The following APAF1 variants were observed in gnomAD, a reference collection of about 807,000 sequenced individuals.
APAF1 encodes apoptotic peptidase activating factor 1, also known as apoptotic protease-activating factor 1.
In APAF1, 91 loss-of-function variants were observed where a neutral mutation model predicts 152.4. That is an observed-to-expected ratio of 0.60 (90% CI 0.50 to 0.71). APAF1 has a LOEUF of 0.71. Among genes scored for constraint, APAF1 ranks in the 30% least tolerant of loss-of-function variants. The pLI is 0.00. For missense variants in APAF1, 1,283 were observed against 1,472.0 expected, an observed-to-expected ratio of 0.87 and a Z score of 2.10; for synonymous variants, 484 against 494.1, an observed-to-expected ratio of 0.98 and a Z score of 0.27.
intron 13 of APAF1, among the ~76,000 whole-genome samples, chr12:98,678,534 C>T (rs1240911016): frequency 3.3e-5 from 5 of 152,240 alleles, no homozygotes; most frequent in Admixed American, 6.5e-5. Flanking sequence ...TAGCTGTAGC[C>T]GCCCAAACCA....
At chr12:98,670,065 C>CT (rs931030715) in intron 10 of APAF1, among the ~76,000 whole-genome samples, 19 of 151,840 alleles carry the variant, frequency 1.3e-4, no homozygotes, top group African/African-American at 3.9e-4. Flanking sequence ...CCACCTCAGC[C>CT]TCCTGAGTAG....
rs980580034 is a variant in APAF1 at position 98,645,673 on chromosome 12, C to G, written c.-204C>G. On this transcript the variant is annotated 5_prime_UTR_variant, in exon 1 of 27. Transcript: ENST00000551964. ...GATCCAGGGGAGGCGCCTGTGAGGC[C>G]CGGACCTGCCCCGGGGCGAAGGGTA... The G allele has an allele frequency of 6.6e-6, 1 of 152,244 alleles. No homozygotes were observed. The highest frequency in any genetic ancestry group is 1.5e-5 in the Non-Finnish European group (1 of 68,070). 9.4% of individuals were successfully genotyped at this position (152,244 alleles called of 1,614,324 possible).
chr12:98,656,111 A>G (rs2097657236), intron 4 of APAF1, among the ~76,000 whole-genome samples: 1 of 151,968 alleles, frequency 6.6e-6, no homozygotes, highest in Non-Finnish European at 1.5e-5. Context: ...GTATTTTTTT[A>G]GGGACGTGGT....
rs2097765519 is a variant in APAF1, at chr12:98,733,883, CTT to C, written c.*1318_*1319del. 1 of 152,108 alleles carries C rather than the reference CTT, an allele frequency of 6.6e-6. No homozygotes were observed. The highest frequency in any genetic ancestry group is 1.5e-5 in the Non-Finnish European group (1 of 68,034). The allele number at this position is 152,108 out of a possible 1,614,324, so 9.4% of individuals were successfully genotyped here. On this transcript the variant is annotated 3_prime_UTR_variant, in exon 27 of 27. Coordinates refer to ENST00000551964, the MANE Select transcript of APAF1 (RefSeq NM_181861.2). ...GAGTTGGACACTATTCCTGCTCCCT[CTT>C]GTTTCTTACATATCAGACTTCTTAC... is the stretch of plus-strand genomic sequence containing the variant.
intron 18 of APAF1, 56 bp downstream of exon 18, chr12:98,703,555 A>G: frequency 6.2e-6 from 10 of 1,609,464 alleles, no homozygotes; most frequent in Non-Finnish European, 8.5e-6. Context: ...AAAGGATGAC[A>G]GAGAATGGGC....
In APAF1 at chr12:98,711,758, C is replaced by G. The variant is rs549304525; in HGVS notation, c.2842-561C>G. On this transcript the variant is annotated intron_variant, in intron 20 of 26. Transcript: ENST00000551964. ...ATTATGAAATTAGGTAATCTTTGTTCAAGCATTGTAAATCCAGCTACACAA... is the reference window on the plus strand; with the variant it reads ...ATTATGAAATTAGGTAATCTTTGTTGAAGCATTGTAAATCCAGCTACACAA... 2.6e-5 allele frequency among the ~76,000 whole-genome samples: 4 copies of G among 152,282 alleles called. No individual in the cohort carries two copies. In the South Asian group the frequency reaches 8.3e-4, roughly 32 times the overall value.
At chr12:98,670,616 C>T (rs564331748) in intron 10 of APAF1, among the ~76,000 whole-genome samples, 2 of 152,006 alleles carry the variant, frequency 1.3e-5, no homozygotes, top group East Asian at 3.9e-4. Context: ...GTTAAATACA[C>T]TTTTATATAG....
chr12:98,735,213 G>A lies in APAF1; in HGVS notation c.*2647G>A, dbSNP rs2097767776. On this transcript the variant is annotated 3_prime_UTR_variant, in exon 27 of 27. Coordinates refer to ENST00000551964, the MANE Select transcript of APAF1 (RefSeq NM_181861.2). ...ATTTTGTTTTGTAGTTTGCAGATGA[G>A]CATTTCTAAAGCATTTTCCCTTGCT... is the stretch of plus-strand genomic sequence containing the variant. 1 of 398,856 alleles carries A rather than the reference G, an allele frequency of 2.5e-6. No individual in the cohort carries two copies. The highest frequency in any genetic ancestry group is 4.4e-6 in the Non-Finnish European group (1 of 226,394). The allele number at this position is 398,856 out of a possible 1,614,324, so 24.7% of individuals were successfully genotyped here. A position where few individuals can be genotyped will look rare whatever the true frequency, so the allele number is the denominator to read the frequency against.
In APAF1 at chr12:98,734,402, T is replaced by C. The variant is rs2097766165; in HGVS notation, c.*1836T>C. Reference sequence around the variant, plus strand: ...CTCTGAAATATATTATTAAGGGCAATGGAGATAAATTAATAGTAGATGTGG... The same window carrying C: ...CTCTGAAATATATTATTAAGGGCAACGGAGATAAATTAATAGTAGATGTGG... On this transcript the variant is annotated 3_prime_UTR_variant, in exon 27 of 27. Transcript: ENST00000551964. 3 of 152,164 alleles carry C rather than the reference T, an allele frequency of 2.0e-5. No individual in the cohort carries two copies. The highest frequency in any genetic ancestry group is 4.4e-5 in the Non-Finnish European group (3 of 68,024). 9.4% of individuals were successfully genotyped at this position (152,164 alleles called of 1,614,324 possible). A position where few individuals can be genotyped will look rare whatever the true frequency, so the allele number is the denominator to read the frequency against.
intron 16 of APAF1, among the ~76,000 whole-genome samples, chr12:98,693,124 G>A (rs1021767243): frequency 6.6e-6 from 1 of 151,098 alleles, no homozygotes; most frequent in African/African-American, 2.4e-5. Flanking sequence ...AGTTCTCCTT[G>A]TAGAGATCTT....
At chr12:98,717,332 AATATAT>A (rs990765898) in intron 22 of APAF1, among the ~76,000 whole-genome samples, 2 of 151,096 alleles carry the variant, frequency 1.3e-5, no homozygotes, top group Admixed American at 6.6e-5. Flanking sequence ...AAATATATAT[AATATAT>A]ATATAGAAAT....
chr12:98,682,114 C>T (rs1201854909), intron 14 of APAF1, among the ~76,000 whole-genome samples: 3 of 141,720 alleles, frequency 2.1e-5, no homozygotes, highest in South Asian at 2.2e-4. Flanking sequence ...ACTGCAGTGG[C>T]GCTATCTCGG....
chr12:98,672,837 C>A (rs1188034250), intron 12 of APAF1, among the ~76,000 whole-genome samples: 2 of 152,070 alleles, frequency 1.3e-5, no homozygotes, highest in East Asian at 3.9e-4. Flanking sequence ...TCACGGCAAC[C>A]TCCTCCTCCT....
intron 16 of APAF1, among the ~76,000 whole-genome samples, chr12:98,690,695 G>T (rs1239541834): frequency 6.6e-6 from 1 of 152,036 alleles, no homozygotes; most frequent in Non-Finnish European, 1.5e-5. Context: ...GCTGAATTAT[G>T]GTCTGTTCAT....
At chr12:98,706,404 C>T in intron 18 of APAF1, 81 bp from the exon 19 acceptor site, 10 of 1,405,130 alleles carry the variant, frequency 7.1e-6, no homozygotes, top group Non-Finnish European at 1.0e-5. Context: ...ATTGCTGGCT[C>T]ATTCTTGCTA....
chr12:98,666,829 T>G (rs2097673446), intron 9 of APAF1, among the ~76,000 whole-genome samples: 1 of 150,468 alleles, frequency 6.6e-6, no homozygotes, highest in African/African-American at 2.4e-5. Flanking sequence ...AGTGGCGTCA[T>G]AGGCTGAGAG....
intron 26 of APAF1, 131 bp downstream of exon 26, chr12:98,727,447 T>C: frequency 9.8e-7 from 1 of 1,019,714 alleles, no homozygotes; most frequent in Non-Finnish European, 1.5e-6. Flanking sequence ...CTCCGGAGGC[T>C]AAGGTGGGAG....
chr12:98,715,271 TA>T (rs2097733264), intron 21 of APAF1, among the ~76,000 whole-genome samples, 155 bp from the exon 22 acceptor site: 1 of 124,650 alleles, frequency 8.0e-6, no homozygotes, highest in Admixed American at 8.0e-5. Flanking sequence ...TATATATATA[TA>T]TATATATATG....
chr12:98,718,667 G>A (rs1214728079), intron 22 of APAF1, among the ~76,000 whole-genome samples: 3 of 152,130 alleles, frequency 2.0e-5, no homozygotes, highest in Non-Finnish European at 4.4e-5. Flanking sequence ...TGGGCGCAGC[G>A]GCTCACACCT....
Sources: gnomAD v4.1 joint callset for allele counts (sites outside exome capture counted in the v4.1 genomes callset) on GRCh38, gnomAD v4.1.1 for gene constraint, MANE v1.5 for transcripts, NCBI Gene and HGNC (gene_info 2026-07-23, HGNC 2026-07-21) for gene names.